RARB: variants seen among roughly 807,000 people sequenced by gnomAD.
RARB encodes retinoic acid receptor beta, also known as HBV-activated protein.
Under a neutral mutation model 51.9 loss-of-function variants are expected in RARB, and 17 were observed. The observed-to-expected ratio is 0.33, with a 90% CI of 0.22 to 0.49. RARB has a LOEUF of 0.49. Among genes scored for constraint, RARB ranks in the 20% least tolerant of loss-of-function variants. RARB has a pLI of 0.99. For missense variants in RARB, 369 were observed against 550.8 expected (o/e 0.67, Z 3.30); for synonymous variants, 215 against 195.4 (o/e 1.10, Z -0.84).
At position 25,461,332 on chromosome 3, in the gene RARB, G is replaced by A. The variant is rs1195357001; in HGVS notation, c.297G>A (p.Glu99=). The A allele has an allele frequency of 6.2e-7, 1 of 1,613,368 alleles. No individual in the cohort carries two copies. The highest frequency in any genetic ancestry group is 8.5e-7 in the Non-Finnish European group (1 of 1,179,870). Residue 99 remains glutamate, a synonymous_variant, in exon 2 of 8, where the codon GAG becomes GAA. Transcript: ENST00000330688. ...ACCACTATGGGGTCAGCGCCTGTGA[G>A]GGATGTAAGGTGAGTATTCACACTT... The part of the protein sequence containing the change: ...SGYHYGVSAC[E]GCKGFFRRSI...
At chr3:25,415,264 T>C (rs539927268) in intron 5 of RARB, among the ~76,000 whole-genome samples, 1 of 152,336 alleles carries the variant, frequency 6.6e-6, no homozygotes, top group Non-Finnish European at 1.5e-5. Context: ...ATCTAAAAAA[T>C]CATTGCCTGA....
At chr3:24,923,624 C>G (rs1038274136) in intron 2 of RARB, among the ~76,000 whole-genome samples, 3 of 152,068 alleles carry the variant, frequency 2.0e-5, no homozygotes, top group African/African-American at 4.8e-5. Context: ...TTAGCACTAA[C>G]CACAGAAGCC....
chr3:25,020,575 C>T (rs910513556), intron 2 of RARB: 7 of 151,918 alleles, frequency 4.6e-5, no homozygotes, highest in Admixed American at 4.6e-4. Context: ...GTTTTAAATA[C>T]CTATGGTGGT....
chr3:25,298,017 A>G (rs1703956576), intron 5 of RARB, among the ~76,000 whole-genome samples: 1 of 152,164 alleles, frequency 6.6e-6, no homozygotes, highest in Non-Finnish European at 1.5e-5. Context: ...TATTCCACAG[A>G]AAGGGACTTT....
At chr3:25,292,541 A>G (rs145222285) in intron 5 of RARB, among the ~76,000 whole-genome samples, 35 of 152,312 alleles carry the variant, frequency 2.3e-4, no homozygotes, top group African/African-American at 7.7e-4. Context: ...AGATTATAAG[A>G]TGAAAAAGTT....
intron 3 of RARB, among the ~76,000 whole-genome samples, chr3:25,560,428 C>G (rs1296952849): frequency 6.6e-6 from 1 of 152,328 alleles, no homozygotes; most frequent in East Asian, 1.9e-4. Context: ...ATTTGTCTAT[C>G]TCTCTCAGAT....
At chr3:25,309,407 G>C (rs1478503116) in intron 5 of RARB, among the ~76,000 whole-genome samples, 1 of 150,044 alleles carries the variant, frequency 6.7e-6, no homozygotes, top group Non-Finnish European at 1.5e-5. Flanking sequence ...CCAAAGTGCT[G>C]GGATAACAGG....
chr3:25,460,560 G>C (rs1695129756), intron 1 of RARB, among the ~76,000 whole-genome samples: 1 of 151,842 alleles, frequency 6.6e-6, no homozygotes. Context: ...CGATTCTCCT[G>C]CCTCAGCCTC....
intron 1 of RARB, among the ~76,000 whole-genome samples, chr3:24,851,107 T>C (rs967687326): frequency 2.6e-5 from 4 of 151,954 alleles, no homozygotes; most frequent in African/African-American, 9.7e-5. Context: ...GATGAAGACA[T>C]ATTGGAGACA....
intron 3 of RARB, among the ~76,000 whole-genome samples, chr3:25,517,778 G>C (rs1209723532): frequency 2.6e-5 from 4 of 152,148 alleles, no homozygotes; most frequent in Non-Finnish European, 5.9e-5. Flanking sequence ...AGTAAAATAT[G>C]ATATATCCTT....
chr3:25,089,554 G>A (rs1699161333), intron 3 of RARB, among the ~76,000 whole-genome samples: 1 of 152,028 alleles, frequency 6.6e-6, no homozygotes, highest in Non-Finnish European at 1.5e-5. Flanking sequence ...ACTGTATTTA[G>A]TAAATTAACT....
intron 3 of RARB, among the ~76,000 whole-genome samples, chr3:25,089,906 C>T (rs1699166975): frequency 1.3e-5 from 2 of 152,098 alleles, no homozygotes; most frequent in South Asian, 2.1e-4. Flanking sequence ...GTATATTAGC[C>T]GTCAAAGTCC....
chr3:24,940,653 C>T (rs376888758), intron 2 of RARB, among the ~76,000 whole-genome samples: 1 of 152,050 alleles, frequency 6.6e-6, no homozygotes, highest in Non-Finnish European at 1.5e-5. Flanking sequence ...CATGTGTGTT[C>T]TTAGAATAAC....
At chr3:25,251,856 T>G (rs1702729792) in intron 5 of RARB, among the ~76,000 whole-genome samples, 1 of 152,200 alleles carries the variant, frequency 6.6e-6, no homozygotes, top group African/African-American at 2.4e-5. Flanking sequence ...ACAAATGTTT[T>G]CAATTTTGAA....
chr3:24,883,954 C>T lies in RARB; in HGVS notation c.-380+25202C>T, dbSNP rs116675977. Among the ~76,000 whole-genome samples the T allele has an allele frequency of 6.6e-3, 1,007 of 152,186 alleles. 8 individuals are homozygous for T. The highest frequency in any genetic ancestry group is 0.022 in the African/African-American group (933 of 41,524). On this transcript the variant is annotated intron_variant, in intron 2 of 11. Transcript: ENST00000383772. Reference sequence around the variant, plus strand: ...TTTTCATTATTCTTACCAGCAAAACCAGGTTGTTTTGGGTATTGTTACATT... The same window carrying T: ...TTTTCATTATTCTTACCAGCAAAACTAGGTTGTTTTGGGTATTGTTACATT...
chr3:25,035,414 G>A (rs559106890), intron 2 of RARB, among the ~76,000 whole-genome samples: 81 of 143,086 alleles, frequency 5.7e-4, no homozygotes, highest in African/African-American at 1.7e-3. Context: ...GAGCCGCTGC[G>A]TCCAGCCTTT....
At position 24,864,520 on chromosome 3, in the gene RARB, G is replaced by C. The variant is rs375267164; in HGVS notation, c.-380+5768G>C. On this transcript the variant is annotated intron_variant, in intron 2 of 11. Coordinates refer to the RARB transcript ENST00000383772. ...TACTTCCAGCCCTGCTGTTTCCTTC[G>C]AGTTCCAGAACCAGGTGTTCAACTC... 2.4e-4 allele frequency among the ~76,000 whole-genome samples: 37 copies of C among 152,068 alleles called. 1 individual carries two copies. The highest frequency in any genetic ancestry group is 8.4e-4 in the African/African-American group (35 of 41,478).
At chr3:24,922,579 G>C (rs1179310998) in intron 2 of RARB, among the ~76,000 whole-genome samples, 2 of 152,130 alleles carry the variant, frequency 1.3e-5, no homozygotes, top group East Asian at 1.9e-4. Context: ...AAAGAGCTGG[G>C]ATATACAGAC....
At chr3:25,169,654 TAA>T (rs1231859943) in intron 4 of RARB, among the ~76,000 whole-genome samples, 11 of 152,078 alleles carry the variant, frequency 7.2e-5, no homozygotes, top group African/African-American at 1.2e-4. Flanking sequence ...GGCAATAGTT[TAA>T]GAGAGTTATA....
Sources: allele counts gnomAD v4.1 joint callset (sites outside exome capture counted in the v4.1 genomes callset), GRCh38; gene constraint gnomAD v4.1.1; transcripts MANE v1.5; gene names NCBI Gene and HGNC (gene_info 2026-07-23, HGNC 2026-07-21).